The following CACNA1A variants were observed in gnomAD, a reference collection of about 807,000 sequenced individuals.
The protein encoded by CACNA1A is voltage-dependent P/Q-type calcium channel subunit alpha-1A.
Under a neutral mutation model 262.4 loss-of-function variants are expected in CACNA1A, and 57 were observed. That is an observed-to-expected ratio of 0.22 (90% CI 0.18 to 0.27). CACNA1A has a LOEUF of 0.27. CACNA1A is among the 10% of genes least tolerant of loss of function. The pLI, the probability that CACNA1A is intolerant of heterozygous loss-of-function variation, is 1.00. For synonymous variants in CACNA1A, 1,431 were observed against 1,419.3 expected, an observed-to-expected ratio of 1.01 and a Z score of -0.18; for missense variants, 2,526 against 3,562.8, an observed-to-expected ratio of 0.71 and a Z score of 7.41.
chr19:13,269,891 CGAG>C (rs748461554), intron 24 of CACNA1A, among the ~76,000 whole-genome samples: 1 of 152,174 alleles, frequency 6.6e-6, no homozygotes, highest in Non-Finnish European at 1.5e-5. Context: ...ATATCGGAGA[CGAG>C]GCCACAATCA....
chr19:13,498,316 G>C (rs1017377638), intron 1 of CACNA1A, among the ~76,000 whole-genome samples: 9 of 151,986 alleles, frequency 5.9e-5, no homozygotes, highest in Non-Finnish European at 1.3e-4. Flanking sequence ...AATGCTGTTC[G>C]TATGAAAATA....
Position 13,497,521 on chromosome 19 carries a change from AATATATATATATATATAT to A in CACNA1A, c.293+8393_293+8410del, listed in dbSNP as rs1568709638. 2.9e-3 allele frequency among the ~76,000 whole-genome samples: 36 copies of A among 12,552 alleles called. 1 individual carries two copies. The highest frequency in any genetic ancestry group is 4.9e-3 in the Admixed American group (3 of 614). The allele number at this position is 12,552 out of a possible 152,430, so 8.2% of individuals were successfully genotyped here. ...AAAAAAAAAAAAAAAAAAAAAAAAAAATATATATATATATATATATATATATATATATATATATATATA... is the reference window on the plus strand; with the variant it reads ...AAAAAAAAAAAAAAAAAAAAAAAAAAATATATATATATATATATATATATA... On this transcript the variant is annotated intron_variant, in intron 1 of 46. Transcript: ENST00000360228.
chr19:13,300,738 G>A, intron 17 of CACNA1A, 82 bp from the exon 18 acceptor site: 1 of 1,085,596 alleles, frequency 9.2e-7, no homozygotes, highest in African/African-American at 1.5e-5. Flanking sequence ...CTGACCAGGG[G>A]CAACATTTGA....
intron 3 of CACNA1A, among the ~76,000 whole-genome samples, chr19:13,405,629 T>C (rs1243174180): frequency 6.6e-6 from 1 of 152,140 alleles, no homozygotes; most frequent in Non-Finnish European, 1.5e-5. Context: ...TCCATAACTG[T>C]ATGAAGTAAG....
chr19:13,351,654 C>T (rs755620984), intron 6 of CACNA1A, among the ~76,000 whole-genome samples: 1 of 152,162 alleles, frequency 6.6e-6, no homozygotes, highest in Non-Finnish European at 1.5e-5. Context: ...GGACTACAGG[C>T]GTGTGCCACC....
At chr19:13,319,337 T>C (rs2058198372) in intron 10 of CACNA1A, among the ~76,000 whole-genome samples, 1 of 152,244 alleles carries the variant, frequency 6.6e-6, no homozygotes, top group Non-Finnish European at 1.5e-5. Context: ...CATTCTTAAA[T>C]TCATTAGCAC....
chr19:13,413,857 G>A (rs1003075283), intron 3 of CACNA1A, among the ~76,000 whole-genome samples: 2 of 124,454 alleles, frequency 1.6e-5, no homozygotes, highest in Admixed American at 8.3e-5. Flanking sequence ...CTTCAGTCTG[G>A]GTGACAGAGC....
chr19:13,371,116 C>T (rs1225826357), intron 4 of CACNA1A: 1 of 152,204 alleles, frequency 6.6e-6, no homozygotes, highest in Non-Finnish European at 1.5e-5. Context: ...AGTAATTTAA[C>T]CTCCTTAAGC....
At chr19:13,501,434 A>G (rs1360261512) in intron 1 of CACNA1A, among the ~76,000 whole-genome samples, 1 of 152,040 alleles carries the variant, frequency 6.6e-6, no homozygotes, top group African/African-American at 2.4e-5. Context: ...TCAGCCTCCC[A>G]AAGTGCTGGG....
intron 3 of CACNA1A, among the ~76,000 whole-genome samples, chr19:13,375,524 A>C (rs1406863299): frequency 6.6e-6 from 1 of 152,206 alleles, no homozygotes; most frequent in African/African-American, 2.4e-5. Context: ...ATGGTGGCTC[A>C]TGCCTGTAAT....
rs1476373127 is a variant in CACNA1A, at chr19:13,490,718, AAAGAAAGAAAGAAAGAGAAAAG to A, written c.293+15192_293+15213del. On this transcript the variant is annotated intron_variant, in intron 1 of 46. Transcript: ENST00000360228. ...GAAAGAAAGAAAGAAAGAAAGAAAG[AAAGAAAGAAAGAAAGAGAAAAG>A]AAAGAAAGAAAAGAAGGAAGAAGAG... Among the ~76,000 whole-genome samples, 472 of 121,010 alleles carry A rather than the reference AAAGAAAGAAAGAAAGAGAAAAG, an allele frequency of 3.9e-3. 3 individuals carry two copies. The highest frequency in any genetic ancestry group is 0.012 in the African/African-American group (398 of 34,212). 79.4% of individuals were successfully genotyped at this position (121,010 alleles called of 152,430 possible). A position where few individuals can be genotyped will look rare whatever the true frequency, so the allele number is the denominator to read the frequency against.
At chr19:13,417,175 G>T (rs1005806459) in intron 3 of CACNA1A, among the ~76,000 whole-genome samples, 1 of 152,182 alleles carries the variant, frequency 6.6e-6, no homozygotes, top group African/African-American at 2.4e-5. Flanking sequence ...CGACTGCCAA[G>T]AACTCACTGG....
In CACNA1A at chr19:13,365,484, A is replaced by T. The variant is rs2144523661; in HGVS notation, c.632-15T>A. 1 of 1,612,450 alleles carries T rather than the reference A, an allele frequency of 6.2e-7. No homozygotes were observed. The highest frequency in any genetic ancestry group is 8.5e-7 in the Non-Finnish European group (1 of 1,178,904). On this transcript the variant is annotated splice_polypyrimidine_tract_variant and intron_variant, in intron 4 of 46. Coordinates refer to ENST00000360228, the MANE Select transcript of CACNA1A (RefSeq NM_001127222.2). ...GACTTGTAAACCTGGGGGGACACAG[A>T]GAGAGGCCCCATAAGCCCATGAGCA...
At chr19:13,430,545 G>A (rs930196186) in intron 3 of CACNA1A, among the ~76,000 whole-genome samples, 1 of 152,158 alleles carries the variant, frequency 6.6e-6, no homozygotes, top group Non-Finnish European at 1.5e-5. Flanking sequence ...CATGGACAGG[G>A]GGTGAGGATG....
intron 6 of CACNA1A, among the ~76,000 whole-genome samples, chr19:13,348,151 G>A (rs1027438159): frequency 6.6e-5 from 10 of 152,010 alleles, no homozygotes; most frequent in African/African-American, 1.7e-4. Context: ...TTGAACTCCC[G>A]GTCTCAAGCA....
At position 13,233,594 on chromosome 19, in the gene CACNA1A, C is replaced by A. The variant is rs541622105; in HGVS notation, c.5249+1327G>T. Reference sequence around the variant, plus strand: ...CCTGGAACTCCTGGGCTCGAGCAATCCTCCTGCCTCAGCCTCCCAAGTAGC... The same window carrying A: ...CCTGGAACTCCTGGGCTCGAGCAATACTCCTGCCTCAGCCTCCCAAGTAGC... On this transcript the variant is annotated intron_variant, in intron 34 of 46. Coordinates refer to ENST00000360228, the MANE Select transcript of CACNA1A (RefSeq NM_001127222.2). Among the ~76,000 whole-genome samples, 21 of 152,198 alleles carry A rather than the reference C, an allele frequency of 1.4e-4. No homozygotes were observed. In the South Asian group the frequency reaches 3.7e-3, roughly 27 times the overall value.
At chr19:13,396,971 A>G (rs1017963771) in intron 3 of CACNA1A, among the ~76,000 whole-genome samples, 1 of 152,198 alleles carries the variant, frequency 6.6e-6, no homozygotes. Context: ...CAGGAAATGT[A>G]GGGCTCGCGA....
Position 13,453,018 on chromosome 19 carries a change from G to A in CACNA1A, c.400-3C>T. 1.9e-6 allele frequency: 3 copies of A among 1,613,902 alleles called. No homozygotes were observed. Among genetic ancestry groups the A allele is most frequent in the Non-Finnish European group, 2.5e-6 (3 of 1,179,814 alleles). ...ATGAAGTATGGTTCTGTGTCATCCT[G>A]GAAGGGAGAGAAGGCAAGGTCAGCG... On this transcript the variant is annotated splice_polypyrimidine_tract_variant and splice_region_variant and intron_variant, in intron 2 of 46. Coordinates refer to ENST00000360228, the MANE Select transcript of CACNA1A (RefSeq NM_001127222.2).
chr19:13,473,252 CAAA>C (rs749694968), intron 1 of CACNA1A, among the ~76,000 whole-genome samples: 4 of 99,398 alleles, frequency 4.0e-5, no homozygotes, highest in Non-Finnish European at 4.9e-5. Context: ...GAGGCCCTGA[CAAA>C]AAAAAAAAAA....
Sources: allele counts gnomAD v4.1 joint callset (sites outside exome capture counted in the v4.1 genomes callset), GRCh38; gene constraint gnomAD v4.1.1; transcripts MANE v1.5; gene names NCBI Gene and HGNC (gene_info 2026-07-23, HGNC 2026-07-21).